Variants in OTUD7B observed in about 807,000 individuals in gnomAD.
The protein encoded by OTUD7B is OTU deubiquitinase 7B, also known as OTU domain-containing protein 7B.
A neutral mutation model predicts 82.2 loss-of-function variants in OTUD7B; 34 were observed. The observed-to-expected ratio is 0.41, with a 90% CI of 0.31 to 0.55. The LOEUF (loss-of-function observed/expected upper bound fraction) is 0.55, where lower values mean the gene tolerates loss of function less well. OTUD7B is among the 20% of genes least tolerant of loss of function. The pLI is 0.20. For missense variants in OTUD7B, 944 were observed against 1,062.1 expected, an observed-to-expected ratio of 0.89 and a Z score of 1.55; for synonymous variants, 398 against 402.7, an observed-to-expected ratio of 0.99 and a Z score of 0.14.
Position 149,944,063 on chromosome 1 carries a change from T to G in OTUD7B, c.2326A>C (p.Ser776Arg). Residue 776 changes from serine to arginine, a missense_variant, in exon 12 of 12, where the codon AGC (serine) becomes CGC (arginine). Transcript: ENST00000581312. ...PPPYRVADSY[S>R]NGYREPPEPD... is the part of the protein sequence containing the mutation. ...TCAGGGGGCTCTCTGTAGCCATTGC[T>G]ATAGGAATCAGCCACTCGGTAGGGG... The G allele has an allele frequency of 6.2e-7, 1 of 1,614,172 alleles. No homozygotes were observed. The highest frequency in any genetic ancestry group is 8.5e-7 in the Non-Finnish European group (1 of 1,180,028).
intron 1 of OTUD7B, among the ~76,000 whole-genome samples, chr1:149,980,906 G>C (rs1469802304): frequency 1.3e-5 from 2 of 151,176 alleles, no homozygotes; most frequent in Admixed American, 1.3e-4. Flanking sequence ...CCAGCCACGT[G>C]AGTGGCTGAG....
chr1:150,022,303 C>CAGG, the OTUD7B span, among the ~76,000 whole-genome samples: 1 of 149,210 alleles, frequency 6.7e-6, no homozygotes, highest in Non-Finnish European at 1.5e-5. Flanking sequence ...GAGGCTGAGG[C>CAGG]AGGAGAATCG....
chr1:150,005,269 C>A (rs781860356), intron 1 of OTUD7B, among the ~76,000 whole-genome samples: 1 of 152,190 alleles, frequency 6.6e-6, no homozygotes, highest in Non-Finnish European at 1.5e-5. Flanking sequence ...TTTTCCTAAT[C>A]CTCCATAGCA....
In OTUD7B at chr1:149,938,136, G is replaced by C. The variant is rs1200971506; in HGVS notation, c.*5721C>G. 6.6e-6 allele frequency: 1 copy of C among 152,192 alleles called. No homozygotes were observed. Among genetic ancestry groups the C allele is most frequent in the East Asian group, 1.9e-4 (1 of 5,160 alleles). The allele number at this position is 152,192 out of a possible 1,614,324, so 9.4% of individuals were successfully genotyped here. The stretch of plus-strand genomic sequence containing the variant: ...ATTCCATGGGCCTCAACCTCTTGGG[G>C]GAAGAAAATATTTCCCAAGGTCTGT... On this transcript the variant is annotated 3_prime_UTR_variant, in exon 12 of 12. Transcript: ENST00000581312.
the OTUD7B span, among the ~76,000 whole-genome samples, chr1:150,038,591 T>G: frequency 6.6e-6 from 1 of 152,038 alleles, no homozygotes; most frequent in Non-Finnish European, 1.5e-5. Flanking sequence ...TTCGTCATGT[T>G]GCCCAGGCTG....
chr1:150,035,515 A>C, the OTUD7B span, among the ~76,000 whole-genome samples: 1 of 152,214 alleles, frequency 6.6e-6, no homozygotes, highest in Non-Finnish European at 1.5e-5. Flanking sequence ...CCTGGGTTCC[A>C]GTCTCTAGAA....
At chr1:150,053,491 G>C in the OTUD7B span, among the ~76,000 whole-genome samples, 1 of 151,774 alleles carries the variant, frequency 6.6e-6, no homozygotes, top group East Asian at 1.9e-4. Context: ...CTGCCTCTTG[G>C]GTTCAATCGA....
intron 1 of OTUD7B, among the ~76,000 whole-genome samples, chr1:149,992,541 TCTCGGCTCACTGCAAG>T (rs1553782383): frequency 1.5e-5 from 2 of 129,182 alleles, no homozygotes; most frequent in Admixed American, 9.4e-5. Flanking sequence ...AGTAGTGCAA[TCTCGGCTCACTGCAAG>T]CTCGGCCTCC....
At chr1:149,957,022 A>G (rs1255794056) in intron 7 of OTUD7B, among the ~76,000 whole-genome samples, 1 of 152,124 alleles carries the variant, frequency 6.6e-6, no homozygotes, top group Non-Finnish European at 1.5e-5. Context: ...GATCGTCTGA[A>G]GCCTTCTTCT....
the OTUD7B span, among the ~76,000 whole-genome samples, chr1:150,032,465 G>GAAAAAAAAAAAAAAAAAAAAAAAAAAAAA: frequency 1.2e-5 from 1 of 85,768 alleles, no homozygotes; most frequent in Non-Finnish European, 1.9e-5. Flanking sequence ...CCTGTCTACA[G>GAAAAAAAAAAAAAAAAAAAAAAAAAAAAA]AAAAAAAAAA....
chr1:149,959,621 G>A (rs1293115300), intron 7 of OTUD7B, 63 bp downstream of exon 7: 1 of 963,294 alleles, frequency 1.0e-6, no homozygotes, highest in Admixed American at 1.7e-5. Flanking sequence ...CTAGACACTG[G>A]GCTGTGGAAG....
chr1:150,018,194 C>T, the OTUD7B span, among the ~76,000 whole-genome samples: 1 of 152,116 alleles, frequency 6.6e-6, no homozygotes, highest in Non-Finnish European at 1.5e-5. Flanking sequence ...CCAAAACCTA[C>T]GAAGGGATCC....
the OTUD7B span, among the ~76,000 whole-genome samples, chr1:150,020,468 T>C: frequency 1.3e-5 from 2 of 151,740 alleles, no homozygotes; most frequent in Admixed American, 6.6e-5. Flanking sequence ...ACTAGGGAGG[T>C]GGAGGTTGCA....
In OTUD7B at chr1:149,940,193, G is replaced by C. The variant is rs1314478278; in HGVS notation, c.*3664C>G. 6.7e-6 allele frequency: 1 copy of C among 149,710 alleles called. No individual in the cohort carries two copies. Among genetic ancestry groups the C allele is most frequent in the East Asian group, 2.0e-4 (1 of 5,064 alleles). The allele number at this position is 149,710 out of a possible 1,614,324, so 9.3% of individuals were successfully genotyped here. A position where few individuals can be genotyped will look rare whatever the true frequency, so the allele number is the denominator to read the frequency against. On this transcript the variant is annotated 3_prime_UTR_variant, in exon 12 of 12. Transcript: ENST00000581312. ...ACGAAGTCACTGCTAATTCTTGTTTGTCTGTGGGCCTTAGTTTCGCTTGAT... is the reference window on the plus strand; with the variant it reads ...ACGAAGTCACTGCTAATTCTTGTTTCTCTGTGGGCCTTAGTTTCGCTTGAT...
chr1:150,010,883 C>G (rs1270541553), upstream of OTUD7B, among the ~76,000 whole-genome samples: 3 of 152,174 alleles, frequency 2.0e-5, no homozygotes, highest in Non-Finnish European at 4.4e-5. Flanking sequence ...GCGCTTGCCC[C>G]GCGCGTGACC....
chr1:150,039,412 C>T, the OTUD7B span, among the ~76,000 whole-genome samples: 5 of 152,094 alleles, frequency 3.3e-5, no homozygotes, highest in South Asian at 8.3e-4. Flanking sequence ...GATTCTCGCT[C>T]TGTCACCCAG....
chr1:149,941,631 A>T lies in OTUD7B; in HGVS notation c.*2226T>A, dbSNP rs1647265367. 1 of 152,236 alleles carries T rather than the reference A, an allele frequency of 6.6e-6. No individual in the cohort carries two copies. The highest frequency in any genetic ancestry group is 1.5e-5 in the Non-Finnish European group (1 of 68,038). The allele number at this position is 152,236 out of a possible 1,614,324, so 9.4% of individuals were successfully genotyped here. ...AATTAATGTAAAAAGTCTATGATGG[A>T]CAATGTATCAAAAATTTAAATAAGA... On this transcript the variant is annotated 3_prime_UTR_variant, in exon 12 of 12. Transcript: ENST00000581312.
At chr1:149,963,984 G>C in intron 6 of OTUD7B, 1 of 412,988 alleles carries the variant, frequency 2.4e-6, no homozygotes, top group East Asian at 3.8e-5. Context: ...ACCTACTGGG[G>C]GAAAAGCACA....
upstream of OTUD7B, among the ~76,000 whole-genome samples, chr1:150,013,947 T>TACACAC (rs1219362552): frequency 1.1e-3 from 116 of 104,378 alleles, 5 homozygotes; most frequent in South Asian, 0.035. Flanking sequence ...AATATATATA[T>TACACAC]ACACACACAC....
Sources: gnomAD v4.1 joint callset for allele counts (sites outside exome capture counted in the v4.1 genomes callset) on GRCh38, gnomAD v4.1.1 for gene constraint, MANE v1.5 for transcripts, NCBI Gene and HGNC (gene_info 2026-07-23, HGNC 2026-07-21) for gene names.